Variants in ZFPM2 observed in about 807,000 individuals in gnomAD.
The protein encoded by ZFPM2 is zinc finger protein ZFPM2.
A neutral mutation model predicts 98.6 loss-of-function variants in ZFPM2; 20 were observed. The observed-to-expected ratio is 0.20, with a 90% CI of 0.14 to 0.29. The LOEUF is 0.29. Ranked by LOEUF, ZFPM2 falls within the 10% of genes least tolerant of loss-of-function variation. The pLI is 1.00. For synonymous variants in ZFPM2, 518 were observed against 502.7 expected (o/e 1.03, Z -0.41); for missense variants, 1,310 against 1,388.6 (o/e 0.94, Z 0.90).
At chr8:105,787,972 A>G (rs1813471852) in intron 5 of ZFPM2, among the ~76,000 whole-genome samples, 1 of 152,242 alleles carries the variant, frequency 6.6e-6, no homozygotes, top group Non-Finnish European at 1.5e-5. Flanking sequence ...GCCAGAGTAT[A>G]TCTCAGTGTT....
At chr8:105,418,964 A>T (rs1363555303) in intron 1 of ZFPM2, among the ~76,000 whole-genome samples, 180 bp from the exon 2 acceptor site, 3 of 152,130 alleles carry the variant, frequency 2.0e-5, no homozygotes, top group Non-Finnish European at 4.4e-5. Flanking sequence ...ATCTTTCATC[A>T]TAGGTCATTG....
intron 1 of ZFPM2, among the ~76,000 whole-genome samples, chr8:105,330,561 T>C (rs1475418984): frequency 1.3e-4 from 10 of 77,138 alleles, no homozygotes; most frequent in African/African-American, 3.6e-4. Context: ...TACATATATA[T>C]ATATATACAT....
At chr8:105,510,097 G>A (rs1813785561) in intron 3 of ZFPM2, among the ~76,000 whole-genome samples, 1 of 152,104 alleles carries the variant, frequency 6.6e-6, no homozygotes. Flanking sequence ...TAGTTCAACT[G>A]TAGTTTTCCC....
intron 4 of ZFPM2, among the ~76,000 whole-genome samples, chr8:105,619,729 T>C (rs1472490387): frequency 2.0e-5 from 3 of 147,922 alleles, no homozygotes; most frequent in Non-Finnish European, 4.5e-5. Flanking sequence ...TCCCACCCAG[T>C]GTCCAAGTGT....
At chr8:105,432,313 T>C (rs1161088168) in intron 2 of ZFPM2, among the ~76,000 whole-genome samples, 1 of 152,162 alleles carries the variant, frequency 6.6e-6, no homozygotes, top group Non-Finnish European at 1.5e-5. Context: ...CCCTTATTTG[T>C]GAGCTCTGAG....
chr8:105,382,652 G>A (rs1438327894), intron 1 of ZFPM2, among the ~76,000 whole-genome samples: 1 of 152,050 alleles, frequency 6.6e-6, no homozygotes, highest in African/African-American at 2.4e-5. Context: ...AGAAAGTCTA[G>A]CTTCTACATT....
chr8:105,327,290 A>T (rs1812132872), intron 1 of ZFPM2, among the ~76,000 whole-genome samples: 1 of 151,766 alleles, frequency 6.6e-6, no homozygotes. Context: ...TTTTAAAAAT[A>T]TGAATAGAGT....
intron 4 of ZFPM2, among the ~76,000 whole-genome samples, chr8:105,590,762 GCACACA>G (rs71305167): frequency 8.0e-5 from 12 of 149,852 alleles, no homozygotes; most frequent in Admixed American, 3.3e-4. Flanking sequence ...ACGTGCGCAC[GCACACA>G]CACACACACA....
At chr8:105,784,414 G>T (rs1274224695) in intron 5 of ZFPM2, among the ~76,000 whole-genome samples, 2 of 136,754 alleles carry the variant, frequency 1.5e-5, no homozygotes, top group Non-Finnish European at 2.9e-5. Context: ...AGTGTAGACA[G>T]ATTTGTTCAT....
chr8:105,589,670 C>G (rs1387533399), intron 4 of ZFPM2, among the ~76,000 whole-genome samples: 1 of 152,154 alleles, frequency 6.6e-6, no homozygotes. Flanking sequence ...TTCTCCTACA[C>G]TTTCCACTGT....
chr8:105,446,909 T>C (rs1812384686), intron 3 of ZFPM2, among the ~76,000 whole-genome samples: 1 of 152,172 alleles, frequency 6.6e-6, no homozygotes, highest in Admixed American at 6.5e-5. Context: ...TTTCCTTTAA[T>C]CAGGAGATTA....
chr8:105,745,665 C>A (rs1050006342), intron 5 of ZFPM2, among the ~76,000 whole-genome samples: 15 of 152,088 alleles, frequency 9.9e-5, no homozygotes, highest in African/African-American at 3.4e-4. Context: ...TTATCACCAG[C>A]TTTTTCTTTG....
chr8:105,617,915 A>G (rs1205411996), intron 4 of ZFPM2, among the ~76,000 whole-genome samples: 1 of 152,184 alleles, frequency 6.6e-6, no homozygotes. Flanking sequence ...ATATTTTAAA[A>G]TCACTAACTA....
intron 1 of ZFPM2, among the ~76,000 whole-genome samples, chr8:105,394,621 A>AT (rs1339833772): frequency 6.6e-6 from 1 of 152,142 alleles, no homozygotes; most frequent in African/African-American, 2.4e-5. Context: ...TTATTATGGT[A>AT]TTTTGTAAAA....
At chr8:105,439,283 G>A (rs1812190312) in intron 2 of ZFPM2, among the ~76,000 whole-genome samples, 2 of 152,088 alleles carry the variant, frequency 1.3e-5, no homozygotes, top group South Asian at 2.1e-4. Context: ...TGGCCTCATG[G>A]TTGTTTGTTA....
chr8:105,621,358 A>AT (rs1463281741), intron 4 of ZFPM2, among the ~76,000 whole-genome samples: 1 of 152,028 alleles, frequency 6.6e-6, no homozygotes, highest in Non-Finnish European at 1.5e-5. Context: ...AATGCTTGTG[A>AT]TTTTTGCACA....
chr8:105,593,828 A>G (rs1815905147), intron 4 of ZFPM2, among the ~76,000 whole-genome samples: 1 of 152,130 alleles, frequency 6.6e-6, no homozygotes, highest in Admixed American at 6.6e-5. Context: ...CAAGTAAAAA[A>G]AAATCCCTGA....
At chr8:105,537,123 AT>A (rs970143579) in intron 3 of ZFPM2, among the ~76,000 whole-genome samples, 5 of 152,228 alleles carry the variant, frequency 3.3e-5, no homozygotes, top group African/African-American at 1.2e-4. Context: ...CCAGAGTCTC[AT>A]TTTTTAAGAC....
At chr8:105,513,906 T>C (rs1813864277) in intron 3 of ZFPM2, among the ~76,000 whole-genome samples, 1 of 152,156 alleles carries the variant, frequency 6.6e-6, no homozygotes, top group Non-Finnish European at 1.5e-5. Context: ...CTCACTCTCA[T>C]TCTGCAGAGT....
Sources: gnomAD v4.1 joint callset for allele counts (sites outside exome capture counted in the v4.1 genomes callset) on GRCh38, gnomAD v4.1.1 for gene constraint, MANE v1.5 for transcripts, NCBI Gene and HGNC (gene_info 2026-07-23, HGNC 2026-07-21) for gene names.